INPP4A: variants seen among roughly 807,000 people sequenced by gnomAD.
INPP4A encodes the protein inositol polyphosphate-4-phosphatase type I A.
Under a neutral mutation model 119.8 loss-of-function variants are expected in INPP4A, and 33 were observed. The observed-to-expected ratio is 0.28, with a 90% CI of 0.21 to 0.37. INPP4A has a LOEUF of 0.37. Ranked by LOEUF, INPP4A falls within the 10% of genes least tolerant of loss-of-function variation. The probability of loss-of-function intolerance (pLI) is 1.00; values close to 1 mark genes in which losing one functional copy is unlikely to be tolerated. For synonymous variants in INPP4A, 496 were observed against 500.7 expected, an observed-to-expected ratio of 0.99 and a Z score of 0.12; for missense variants, 956 against 1,289.9, an observed-to-expected ratio of 0.74 and a Z score of 3.97.
intron 1 of INPP4A, among the ~76,000 whole-genome samples, chr2:98,496,723 C>T (rs753925750): frequency 2.0e-5 from 3 of 152,052 alleles, no homozygotes; most frequent in Admixed American, 6.6e-5. Flanking sequence ...TAGACATTTC[C>T]CAAAAGAAGA....
At chr2:98,525,463 G>A (rs1237213250) in intron 4 of INPP4A, among the ~76,000 whole-genome samples, 2 of 152,150 alleles carry the variant, frequency 1.3e-5, no homozygotes, top group African/African-American at 4.8e-5. Flanking sequence ...AGTTTCTGAG[G>A]ATTAGGACAT....
chr2:98,543,958 C>T lies in INPP4A; in HGVS notation c.900C>T (p.Thr300=). The change falls in exon 11 of 25, where the codon ACC becomes ACT. Residue 300 remains threonine, a synonymous_variant. Transcript: ENST00000409851. ...GCCAAATTGTCACCCAGTACCAGAC[C>T]ATCATCCTCACATACCAGGAGAACC... ...LRRQIVTQYQ[T]IILTYQENLT... 6.3e-7 allele frequency: 1 copy of T among 1,593,328 alleles called. No individual in the cohort carries two copies. Among genetic ancestry groups the T allele is most frequent in the South Asian group, 1.1e-5 (1 of 87,922 alleles).
At chr2:98,543,513 A>G (rs538202986) in intron 10 of INPP4A, among the ~76,000 whole-genome samples, 4 of 152,262 alleles carry the variant, frequency 2.6e-5, no homozygotes, top group Non-Finnish European at 4.4e-5. Flanking sequence ...GCCCAGACTC[A>G]GGTGGGCTGT....
intron 16 of INPP4A, among the ~76,000 whole-genome samples, 179 bp from the exon 17 acceptor site, chr2:98,559,284 G>A (rs1169437135): frequency 6.6e-6 from 1 of 152,226 alleles, no homozygotes; most frequent in Admixed American, 6.5e-5. Context: ...CCTTGGAGCA[G>A]CCAGAGTACT....
chr2:98,583,640 C>T (rs575959525), intron 24 of INPP4A, among the ~76,000 whole-genome samples: 3 of 152,270 alleles, frequency 2.0e-5, no homozygotes, highest in East Asian at 1.9e-4. Context: ...TTTATGAAGA[C>T]GATTTTTTTT....
At position 98,506,611 on chromosome 2, in the gene INPP4A, A is replaced by T. The variant is rs12621728; in HGVS notation, c.-165-12353A>T. ...CGGGCAGAAGGCACCTTGGCCTGAG[A>T]AGTTCTTGGTCTCCTCCTCTCTTGA... is the stretch of plus-strand genomic sequence containing the variant. On this transcript the variant is annotated intron_variant, in intron 1 of 24. Transcript: ENST00000409851. Among the ~76,000 whole-genome samples, 5 of 152,306 alleles carry T rather than the reference A, an allele frequency of 3.3e-5. No individual in the cohort carries two copies. The East Asian group carries it at 5.8e-4, about 18-fold the overall frequency.
chr2:98,529,578 T>C (rs1044879732), intron 4 of INPP4A, among the ~76,000 whole-genome samples: 5 of 151,768 alleles, frequency 3.3e-5, no homozygotes, highest in African/African-American at 9.7e-5. Context: ...ACTAAAAAAA[T>C]ACAAAAAATT....
intron 1 of INPP4A, among the ~76,000 whole-genome samples, chr2:98,451,481 C>T (rs983498493): frequency 2.0e-5 from 3 of 152,084 alleles, no homozygotes; most frequent in Non-Finnish European, 2.9e-5. Context: ...CTGCCAGCTC[C>T]GGTCCTGGGA....
intron 23 of INPP4A, among the ~76,000 whole-genome samples, chr2:98,574,012 G>A (rs1697973189): frequency 6.6e-6 from 1 of 152,158 alleles, no homozygotes; most frequent in African/African-American, 2.4e-5. Context: ...TCTGGGCCTG[G>A]CTGCCCTCTA....
At chr2:98,458,225 T>G (rs1696498227) in intron 1 of INPP4A, among the ~76,000 whole-genome samples, 1 of 152,044 alleles carries the variant, frequency 6.6e-6, no homozygotes, top group Non-Finnish European at 1.5e-5. Flanking sequence ...ACATCTGTAG[T>G]CCCAGCTGCT....
At chr2:98,475,511 A>G (rs975853484) in intron 1 of INPP4A, among the ~76,000 whole-genome samples, 1 of 152,222 alleles carries the variant, frequency 6.6e-6, no homozygotes, top group Non-Finnish European at 1.5e-5. Flanking sequence ...AAGCAAAACT[A>G]TGGGTAACAC....
chr2:98,524,068 A>G (rs1687731513), intron 4 of INPP4A, among the ~76,000 whole-genome samples: 1 of 152,286 alleles, frequency 6.6e-6, no homozygotes, highest in South Asian at 2.1e-4. Flanking sequence ...GAGCTGTGCC[A>G]TACTTATTTT....
intron 7 of INPP4A, among the ~76,000 whole-genome samples, chr2:98,537,038 C>G (rs1486086044): frequency 6.6e-6 from 1 of 152,116 alleles, no homozygotes; most frequent in Non-Finnish European, 1.5e-5. Context: ...AGAGTTAACT[C>G]TAGTTGGGTT....
intron 4 of INPP4A, among the ~76,000 whole-genome samples, chr2:98,521,932 A>T (rs959223646): frequency 8.5e-5 from 13 of 152,236 alleles, no homozygotes; most frequent in African/African-American, 2.2e-4. Context: ...ATAATAATAA[A>T]AAAGAAACAA....
rs550826537 is a variant in INPP4A at position 98,554,259 on chromosome 2, G to A, written c.1348-12G>A. On this transcript the variant is annotated splice_polypyrimidine_tract_variant and intron_variant, in intron 14 of 24. Transcript: ENST00000409851. The surrounding 1 kb of genome is among the most constrained non-coding windows in gnomAD (Gnocchi z 4.7). ...CCTGGGCTCAGCAGCCTTGGTTTGT[G>A]TGCACCTGCAGACACGGCAGCTGGT... 5.4e-4 allele frequency: 861 copies of A among 1,587,152 alleles called. 14 individuals carry two copies. The South Asian group carries it at 9.3e-3, about 17-fold the overall frequency.
chr2:98,572,857 T>C lies in INPP4A; in HGVS notation c.2561T>C (p.Leu854Pro). 1 of 1,576,104 alleles carries C rather than the reference T, an allele frequency of 6.3e-7. No individual in the cohort carries two copies. The highest frequency in any genetic ancestry group is 8.6e-7 in the Non-Finnish European group (1 of 1,161,094). ...SRSQTCLPEL[L>P]RFLGQNVHAR... is the part of the protein sequence containing the mutation. Reference sequence around the variant, plus strand: ...AGTCAGACGTGCCTGCCAGAGCTGCTGCGGTTTCTGGGTCAGAACGTGCAT... The same window carrying C: ...AGTCAGACGTGCCTGCCAGAGCTGCCGCGGTTTCTGGGTCAGAACGTGCAT... Residue 854 changes from leucine (L) to proline (P), a missense_variant, in exon 23 of 25, where the codon CTG becomes CCG. By Grantham distance (98) the Leu-to-Pro change is moderately conservative. Transcript: ENST00000409851.
intron 1 of INPP4A, among the ~76,000 whole-genome samples, chr2:98,488,122 G>A (rs892509866): frequency 1.1e-4 from 17 of 152,144 alleles, no homozygotes; most frequent in Admixed American, 1.0e-3. Context: ...CAGTTAGCTC[G>A]TGTTCCTCTG....
intron 1 of INPP4A, among the ~76,000 whole-genome samples, chr2:98,460,182 A>G (rs1345306285): frequency 6.6e-6 from 1 of 152,074 alleles, no homozygotes; most frequent in Non-Finnish European, 1.5e-5. Flanking sequence ...GTACACATAT[A>G]TGCAAGTGTG....
At chr2:98,568,701 T>C (rs778619847) in intron 22 of INPP4A, 33 bp downstream of exon 22, 43 of 1,192,274 alleles carry the variant, frequency 3.6e-5, no homozygotes, top group Non-Finnish European at 5.0e-5. Context: ...TAGGTTTCAC[T>C]TACTCGTCTT....
Sources: allele counts gnomAD v4.1 joint callset (sites outside exome capture counted in the v4.1 genomes callset), GRCh38; gene constraint gnomAD v4.1.1; non-coding constraint Gnocchi (gnomAD v3.1); transcripts MANE v1.5; gene names NCBI Gene and HGNC (gene_info 2026-07-23, HGNC 2026-07-21).